ADGRG1: variants seen among roughly 807,000 people sequenced by gnomAD.
ADGRG1 encodes adhesion G protein-coupled receptor G1, also known as 7-transmembrane protein with no EGF-like N-terminal domains-1.
A neutral mutation model predicts 73.5 loss-of-function variants in ADGRG1; 53 were observed. The ratio of observed to expected loss-of-function variants is 0.72; its 90% CI spans 0.58 to 0.91. The LOEUF is 0.91. ADGRG1 is among the 40% of genes least tolerant of loss of function. The pLI is 0.00. For missense variants in ADGRG1, 795 were observed against 871.8 expected, an observed-to-expected ratio of 0.91 and a Z score of 1.11; for synonymous variants, 394 against 374.4, an observed-to-expected ratio of 1.05 and a Z score of -0.60.
intron 1 of ADGRG1, chr16:57,643,969 G>GT (rs1256069493): frequency 3.9e-5 from 38 of 984,708 alleles, no homozygotes; most frequent in Non-Finnish European, 4.3e-5. Context: ...ACTTTGAGCT[G>GT]TTGGGTACAT....
At chr16:57,656,471 G>A (rs2045760323) in intron 8 of ADGRG1, 43 bp from the exon 9 acceptor site, 1 of 1,585,130 alleles carries the variant, frequency 6.3e-7, no homozygotes, top group Non-Finnish European at 8.7e-7. Flanking sequence ...TGGGGTCCTG[G>A]AGGACTGGAC....
At chr16:57,619,814 A>G (rs2034446674), upstream of ADGRG1, 1 of 152,360 alleles carries the variant, frequency 6.6e-6, no homozygotes, top group Non-Finnish European at 1.5e-5. Context: ...CAGAGAACCC[A>G]AGGACTCCCC....
At chr16:57,650,730 A>C in intron 2 of ADGRG1, among the ~76,000 whole-genome samples, 1 of 119,822 alleles carries the variant, frequency 8.3e-6, no homozygotes, top group African/African-American at 3.5e-5. Context: ...TTTTTTTGAG[A>C]CGGAGTCTTG....
chr16:57,650,389 T>TA, intron 2 of ADGRG1, 38 bp downstream of exon 2: 1 of 1,608,854 alleles, frequency 6.2e-7, no homozygotes, highest in Non-Finnish European at 8.5e-7. Context: ...TGTTGGAACT[T>TA]ACGTTAAAAT....
At chr16:57,622,357 T>C (rs933737210) in intron 2 of ADGRG1, among the ~76,000 whole-genome samples, 4 of 152,196 alleles carry the variant, frequency 2.6e-5, no homozygotes, top group African/African-American at 9.6e-5. Flanking sequence ...ATGGGCAGTT[T>C]TGAGCCCCCC....
At chr16:57,623,217 G>A, upstream of ADGRG1, 2 of 985,278 alleles carry the variant, frequency 2.0e-6, no homozygotes, top group African/African-American at 1.7e-5. Context: ...GGGTTCACCT[G>A]CTCCAAGTCT....
intron 1 of ADGRG1, chr16:57,647,194 C>G: frequency 1.0e-6 from 1 of 985,384 alleles, no homozygotes; most frequent in Non-Finnish European, 1.2e-6. Flanking sequence ...TGTGTGGCAA[C>G]TTTCTTGTCC....
At chr16:57,661,401 G>A in intron 12 of ADGRG1, 1 of 985,358 alleles carries the variant, frequency 1.0e-6, no homozygotes, top group Non-Finnish European at 1.2e-6. Context: ...TCCAGCCTGG[G>A]AAGGAATCCT....
intron 5 of ADGRG1, 92 bp downstream of exon 5, chr16:57,654,225 G>A (rs567771453): frequency 3.2e-5 from 42 of 1,297,198 alleles, no homozygotes; most frequent in Admixed American, 1.6e-4. Context: ...GCTCAGTGCC[G>A]TCGCAGCCTC....
In ADGRG1 at chr16:57,656,264, C is replaced by A. The variant is rs2045703071; in HGVS notation, c.1056C>A (p.Asp352Glu). 1 of 1,613,482 alleles carries A rather than the reference C, an allele frequency of 6.2e-7. No individual in the cohort carries two copies. The highest frequency in any genetic ancestry group is 8.5e-7 in the Non-Finnish European group (1 of 1,179,816). Reference sequence around the variant, plus strand: ...TGCAATGTGTGTTCTGGGTTGAAGACCCCACATGTGAGTATGCAGGGGTCT... The same window carrying A: ...TGCAATGTGTGTTCTGGGTTGAAGAACCCACATGTGAGTATGCAGGGGTCT... ...VTLQCVFWVE[D>E]PTLSSPGHWS... is the part of the protein sequence containing the mutation. The change falls in exon 8 of 14, where the codon GAC becomes GAA. Residue 352 changes from aspartate (D) to glutamate (E), a missense_variant. Transcript: ENST00000562631.
At position 57,654,027 on chromosome 16, in the gene ADGRG1, T is replaced by A. The variant is rs1386341580; in HGVS notation, c.662T>A (p.Phe221Tyr). Residue 221 changes from phenylalanine (F) to tyrosine (Y), a missense_variant, in exon 5 of 14, where the codon TTC (phenylalanine) becomes TAC (tyrosine). Transcript: ENST00000562631. The part of the protein sequence containing the change: ...SLESKLTSVR[F>Y]MGDMVSFEED... Reference sequence around the variant, plus strand: ...GAGTCGAAACTGACCTCTGTGAGATTCATGGGGGACATGGTGTCCTTCGAG... The same window carrying A: ...GAGTCGAAACTGACCTCTGTGAGATACATGGGGGACATGGTGTCCTTCGAG... 1 of 1,613,980 alleles carries A rather than the reference T, an allele frequency of 6.2e-7. No homozygotes were observed. Among genetic ancestry groups the A allele is most frequent in the African/African-American group, 1.3e-5 (1 of 74,932 alleles).
intron 1 of ADGRG1, chr16:57,642,748 A>C: frequency 1.6e-6 from 1 of 630,750 alleles, no homozygotes; most frequent in Non-Finnish European, 2.0e-6. Context: ...GAAGACCACA[A>C]TGGCTAAAAG....
At chr16:57,658,669 A>G (rs577584066) in intron 10 of ADGRG1, among the ~76,000 whole-genome samples, 77 of 152,336 alleles carry the variant, frequency 5.1e-4, no homozygotes, top group African/African-American at 1.8e-3. Flanking sequence ...CTCAACACCC[A>G]GTTGCTCACA....
chr16:57,632,306 C>T (rs1442625243), intron 1 of ADGRG1: 2 of 985,328 alleles, frequency 2.0e-6, no homozygotes, highest in Non-Finnish European at 1.2e-6. Flanking sequence ...GCAAGGGTGG[C>T]TTGCCCAGGG....
chr16:57,628,709 G>A lies in ADGRG1; in HGVS notation c.-129G>A, dbSNP rs1245638065. The A allele has an allele frequency of 3.6e-5, 35 of 985,390 alleles. No homozygotes were observed. Among genetic ancestry groups the A allele is most frequent in the Admixed American group, 1.2e-4 (2 of 16,274 alleles). 61.0% of individuals were successfully genotyped at this position (985,390 alleles called of 1,614,324 possible). On this transcript the variant is annotated 5_prime_UTR_variant, in exon 1 of 14. Coordinates refer to ENST00000562631, the MANE Select transcript of ADGRG1 (RefSeq NM_201525.4). Reference sequence around the variant, plus strand: ...CTCTCCAGCTCACTCGGCAGGCAGCGGGGACCAGGGCTGGCAGGTTAAGCC... The same window carrying A: ...CTCTCCAGCTCACTCGGCAGGCAGCAGGGACCAGGGCTGGCAGGTTAAGCC...
At chr16:57,659,250 G>A (rs1411841135) in intron 10 of ADGRG1, 163 bp from the exon 11 acceptor site, 2 of 1,492,606 alleles carry the variant, frequency 1.3e-6, no homozygotes, top group East Asian at 2.5e-5. Flanking sequence ...GGGGATGTGG[G>A]GAACAGTTTG....
rs2047987180 is a variant in ADGRG1 at position 57,664,968 on chromosome 16, G to T, written c.*1386G>T. ...GTACATGTTCATTGTAGAGAATTTGGAAACTGTAGAAGAGAATCAAGAAGA... is the reference window on the plus strand; with the variant it reads ...GTACATGTTCATTGTAGAGAATTTGTAAACTGTAGAAGAGAATCAAGAAGA... On this transcript the variant is annotated 3_prime_UTR_variant, in exon 14 of 14. Transcript: ENST00000562631. The T allele has an allele frequency of 6.5e-6, 1 of 153,006 alleles. No individual in the cohort carries two copies. The highest frequency in any genetic ancestry group is 2.4e-5 in the African/African-American group (1 of 41,426). 9.5% of individuals were successfully genotyped at this position (153,006 alleles called of 1,614,324 possible).
chr16:57,630,539 T>G (rs369576851), intron 1 of ADGRG1: 33 of 985,282 alleles, frequency 3.3e-5, no homozygotes, highest in Middle Eastern at 5.2e-4. Context: ...TCCGAGAGTG[T>G]CGGGTGATGG....
intron 1 of ADGRG1, 72 bp from the exon 2 acceptor site, chr16:57,650,181 C>A: frequency 1.3e-6 from 2 of 1,575,804 alleles, no homozygotes; most frequent in Non-Finnish European, 1.7e-6. Context: ...CCACACTGGC[C>A]TCCTCTTCTG....
Sources: allele counts gnomAD v4.1 joint callset (sites outside exome capture counted in the v4.1 genomes callset), GRCh38; gene constraint gnomAD v4.1.1; transcripts MANE v1.5; gene names NCBI Gene and HGNC (gene_info 2026-07-23, HGNC 2026-07-21).